The following RBPJ variants were observed in gnomAD, a reference collection of about 807,000 sequenced individuals.
The protein encoded by RBPJ is recombination signal binding protein for immunoglobulin kappa J region.
A neutral mutation model predicts 67.8 loss-of-function variants in RBPJ; 9 were observed. The observed-to-expected ratio is 0.13, with a 90% CI of 0.08 to 0.23. The LOEUF (loss-of-function observed/expected upper bound fraction) is 0.23, where lower values mean the gene tolerates loss of function less well. RBPJ is among the 10% of genes least tolerant of loss of function. The pLI is 1.00. For synonymous variants in RBPJ, 198 were observed against 203.3 expected, an observed-to-expected ratio of 0.97 and a Z score of 0.22; for missense variants, 305 against 595.6, an observed-to-expected ratio of 0.51 and a Z score of 5.08.
At chr4:26,130,356 A>G in the RBPJ span, among the ~76,000 whole-genome samples, 2 of 152,186 alleles carry the variant, frequency 1.3e-5, no homozygotes, top group African/African-American at 4.8e-5. Context: ...TGAGTAATTA[A>G]GGACAGGCCT....
chr4:26,277,819 T>A (rs954170544), intron 1 of RBPJ, among the ~76,000 whole-genome samples: 1 of 152,202 alleles, frequency 6.6e-6, no homozygotes, highest in Non-Finnish European at 1.5e-5. Flanking sequence ...TTTGCAAGCA[T>A]GATTAGTGTT....
At chr4:26,394,553 G>A (rs549896007) in intron 2 of RBPJ, among the ~76,000 whole-genome samples, 36 of 151,990 alleles carry the variant, frequency 2.4e-4, no homozygotes, top group African/African-American at 8.7e-4. Context: ...GGCTTTTAGA[G>A]CCTCAAATCA....
chr4:26,414,564 A>G (rs1012935602), intron 3 of RBPJ, among the ~76,000 whole-genome samples: 4 of 152,208 alleles, frequency 2.6e-5, no homozygotes, highest in African/African-American at 9.6e-5. Flanking sequence ...CTAGAGAGAT[A>G]TGGCATAGAT....
intron 1 of RBPJ, among the ~76,000 whole-genome samples, chr4:26,188,344 G>A (rs1717352482): frequency 6.6e-6 from 1 of 152,116 alleles, no homozygotes; most frequent in Non-Finnish European, 1.5e-5. Flanking sequence ...CTATCGCTTT[G>A]GTTAGGTCTC....
intron 1 of RBPJ, among the ~76,000 whole-genome samples, chr4:26,210,710 TC>T (rs1718367817): frequency 9.0e-6 from 1 of 111,396 alleles, no homozygotes; most frequent in Non-Finnish European, 1.9e-5. Context: ...TTTCTTTCCT[TC>T]TTTCCTTCTT....
intron 3 of RBPJ, chr4:26,410,152 T>G (rs768296404): frequency 7.7e-6 from 3 of 391,502 alleles, no homozygotes; most frequent in Non-Finnish European, 1.0e-5. Context: ...GAGTGCACAG[T>G]GGGAAGAGGA....
chr4:26,402,410 C>A (rs892348689), intron 2 of RBPJ, among the ~76,000 whole-genome samples: 3 of 152,166 alleles, frequency 2.0e-5, no homozygotes, highest in African/African-American at 7.2e-5. Context: ...TTTTATTTGT[C>A]CATAGTTAGC....
chr4:26,216,357 C>G (rs1400068672), intron 1 of RBPJ, among the ~76,000 whole-genome samples: 1 of 152,152 alleles, frequency 6.6e-6, no homozygotes, highest in Non-Finnish European at 1.5e-5. Flanking sequence ...GATTTGCTCC[C>G]TCTTCTCATG....
intron 3 of RBPJ, chr4:26,410,024 G>C: frequency 4.4e-6 from 2 of 454,424 alleles, no homozygotes; most frequent in South Asian, 1.6e-5. Context: ...AAATTTACTT[G>C]ATTTTTTTAA....
chr4:26,214,867 A>G (rs111065420), intron 1 of RBPJ, among the ~76,000 whole-genome samples: 84,673 of 117,566 alleles, frequency 0.72, 31,509 homozygotes, highest in East Asian at 0.93. Context: ...AGGAAAGAGA[A>G]AATGAAAAAG....
chr4:26,354,452 T>G (rs1271776444), intron 1 of RBPJ, among the ~76,000 whole-genome samples: 14 of 16,380 alleles, frequency 8.5e-4, no homozygotes, highest in African/African-American at 2.1e-3. Flanking sequence ...AAGATTTCTG[T>G]TTTTTTTTTT....
At chr4:26,340,101 T>C in intron 1 of RBPJ, among the ~76,000 whole-genome samples, 1 of 152,086 alleles carries the variant, frequency 6.6e-6, no homozygotes, top group Non-Finnish European at 1.5e-5. Flanking sequence ...ATGCTAGTAG[T>C]AAAGACAAAA....
At chr4:26,383,362 A>C (rs973375355) in intron 1 of RBPJ, among the ~76,000 whole-genome samples, 3 of 152,206 alleles carry the variant, frequency 2.0e-5, no homozygotes, top group Non-Finnish European at 4.4e-5. Flanking sequence ...CATGTAATTA[A>C]ACCTGTGTTA....
chr4:26,310,030 T>C (rs1460407634), intron 1 of RBPJ, among the ~76,000 whole-genome samples: 2 of 152,216 alleles, frequency 1.3e-5, no homozygotes, highest in Non-Finnish European at 2.9e-5. Flanking sequence ...CTTGAACTGC[T>C]GCACATATTA....
intron 1 of RBPJ, among the ~76,000 whole-genome samples, chr4:26,310,993 C>T (rs1722412838): frequency 6.6e-6 from 1 of 152,138 alleles, no homozygotes; most frequent in Non-Finnish European, 1.5e-5. Flanking sequence ...GAAGTACAGC[C>T]ATTTTGACAT....
At chr4:26,113,559 C>A in the RBPJ span, 2 of 486,446 alleles carry the variant, frequency 4.1e-6, no homozygotes. Context: ...AGAACTCACG[C>A]AGGGCAGAAG....
At chr4:26,255,785 G>T (rs958251844) in intron 1 of RBPJ, among the ~76,000 whole-genome samples, 19 of 140,532 alleles carry the variant, frequency 1.4e-4, no homozygotes, top group Non-Finnish European at 2.4e-4. Context: ...CTGGGCAACA[G>T]AGCAAGACTC....
chr4:26,137,982 G>T, the RBPJ span, among the ~76,000 whole-genome samples: 84 of 152,332 alleles, frequency 5.5e-4, no homozygotes, highest in Non-Finnish European at 9.6e-4. Flanking sequence ...CAATGAGGGA[G>T]TGTGATTTCT....
At chr4:26,290,929 A>G (rs1246850861) in intron 1 of RBPJ, among the ~76,000 whole-genome samples, 2 of 151,026 alleles carry the variant, frequency 1.3e-5, no homozygotes, top group Non-Finnish European at 3.0e-5. Context: ...TTCCTCTAAG[A>G]AAGCAGATAT....
Sources: allele counts gnomAD v4.1 joint callset (sites outside exome capture counted in the v4.1 genomes callset), GRCh38; gene constraint gnomAD v4.1.1; transcripts MANE v1.5; gene names NCBI Gene and HGNC (gene_info 2026-07-23, HGNC 2026-07-21).